GPC6: variants seen among roughly 807,000 people sequenced by gnomAD.
GPC6 encodes glypican-6.
In GPC6, 14 loss-of-function variants were observed where a neutral mutation model predicts 55.2. The observed-to-expected ratio is 0.25, with a 90% CI of 0.17 to 0.40. The LOEUF (loss-of-function observed/expected upper bound fraction) is 0.40, where lower values mean the gene tolerates loss of function less well. GPC6 is among the 10% of genes least tolerant of loss of function. The pLI is 1.00. For missense variants in GPC6, 641 were observed against 708.5 expected, an observed-to-expected ratio of 0.90 and a Z score of 1.08; for synonymous variants, 278 against 259.6, an observed-to-expected ratio of 1.07 and a Z score of -0.68.
chr13:94,106,296 C>G (rs1886050986), intron 4 of GPC6, among the ~76,000 whole-genome samples: 1 of 150,730 alleles, frequency 6.6e-6, no homozygotes, highest in African/African-American at 2.4e-5. Context: ...GTTAGATGCC[C>G]TAAGAATCTG....
chr13:93,517,201 C>T (rs1881237678), intron 1 of GPC6, among the ~76,000 whole-genome samples: 3 of 151,984 alleles, frequency 2.0e-5, no homozygotes, highest in African/African-American at 4.8e-5. Flanking sequence ...CTCAGAAACA[C>T]CTTTCATCAC....
rs182704910 is a variant in GPC6, at chr13:93,901,930, T to A, written c.711+71385T>A. The stretch of plus-strand genomic sequence containing the variant: ...AAAAAAAAAAAAAACTTTTAAAGTG[T>A]TTTCATTGACACATAATAATTATAC... On this transcript the variant is annotated intron_variant, in intron 3 of 8. Coordinates refer to ENST00000377047, the MANE Select transcript of GPC6 (RefSeq NM_005708.5). Among the ~76,000 whole-genome samples the A allele has an allele frequency of 6.0e-3, 907 of 151,696 alleles. 2 individuals carry two copies. The highest frequency in any genetic ancestry group is 0.011 in the Admixed American group (163 of 15,214).
intron 7 of GPC6, among the ~76,000 whole-genome samples, chr13:94,384,554 T>TA (rs35972475): frequency 0.13 from 19,930 of 152,136 alleles, 1,532 homozygotes; most frequent in East Asian, 0.28. Context: ...AATATTTTTT[T>TA]AAAAAAAGGC....
chr13:94,244,255 C>A (rs187638302), intron 4 of GPC6, among the ~76,000 whole-genome samples: 1 of 152,094 alleles, frequency 6.6e-6, no homozygotes, highest in Non-Finnish European at 1.5e-5. Context: ...GGGGCCAGCA[C>A]GTAACTCCGC....
At chr13:93,369,174 C>G (rs921242874) in intron 1 of GPC6, among the ~76,000 whole-genome samples, 5 of 151,720 alleles carry the variant, frequency 3.3e-5, no homozygotes, top group Non-Finnish European at 7.4e-5. Context: ...AGATTATGCT[C>G]TAACATTATC....
chr13:93,751,650 T>C (rs111754633), intron 2 of GPC6, among the ~76,000 whole-genome samples: 17 of 151,972 alleles, frequency 1.1e-4, no homozygotes, highest in African/African-American at 3.4e-4. Flanking sequence ...GCCTCCCAAG[T>C]AGCTGAGACT....
intron 1 of GPC6, among the ~76,000 whole-genome samples, chr13:93,263,401 G>A (rs2139043355): frequency 6.6e-6 from 1 of 152,040 alleles, no homozygotes; most frequent in Non-Finnish European, 1.5e-5. Flanking sequence ...TTTCGCTCTT[G>A]TCACCCAGGC....
intron 1 of GPC6, among the ~76,000 whole-genome samples, chr13:93,327,243 A>G (rs903565135): frequency 1.3e-5 from 2 of 152,114 alleles, no homozygotes; most frequent in Non-Finnish European, 2.9e-5. Flanking sequence ...TATTTGTTCT[A>G]AGCATTGTTC....
At chr13:94,033,578 T>C (rs949486086) in intron 4 of GPC6, among the ~76,000 whole-genome samples, 28 of 152,314 alleles carry the variant, frequency 1.8e-4, no homozygotes, top group Non-Finnish European at 3.8e-4. Context: ...GGAGATAAAA[T>C]AGGCAGAAGG....
At chr13:93,391,956 A>G (rs1416111979) in intron 1 of GPC6, among the ~76,000 whole-genome samples, 6 of 152,138 alleles carry the variant, frequency 3.9e-5, no homozygotes, top group Admixed American at 3.9e-4. Flanking sequence ...TTTTTGAGCT[A>G]TATATCAGCA....
chr13:93,753,684 C>T (rs9301905), intron 2 of GPC6, among the ~76,000 whole-genome samples: 101,455 of 152,030 alleles, frequency 0.67, 34,839 homozygotes, highest in African/African-American at 0.81. Flanking sequence ...TATTCATCTT[C>T]CTATGTTTTT....
At chr13:93,636,709 G>C (rs7317585) in intron 2 of GPC6, among the ~76,000 whole-genome samples, 49,372 of 152,026 alleles carry the variant, frequency 0.32, 8,245 homozygotes, top group African/African-American at 0.39. Flanking sequence ...GACAGTGGAG[G>C]AGGGCAGAAA....
chr13:93,639,496 A>G (rs898817727), intron 2 of GPC6, among the ~76,000 whole-genome samples: 1 of 152,220 alleles, frequency 6.6e-6, no homozygotes, highest in Non-Finnish European at 1.5e-5. Context: ...TTTGTATTTA[A>G]AATAGACTGT....
chr13:93,674,906 A>G (rs1012938033), intron 2 of GPC6, among the ~76,000 whole-genome samples: 21 of 152,136 alleles, frequency 1.4e-4, no homozygotes, highest in African/African-American at 4.3e-4. Context: ...GACTTTTTAT[A>G]CCTGGGTATG....
chr13:94,397,997 C>T (rs1023946980), intron 7 of GPC6, among the ~76,000 whole-genome samples: 2 of 152,126 alleles, frequency 1.3e-5, no homozygotes, highest in African/African-American at 4.8e-5. Flanking sequence ...CCCCCTTTTA[C>T]TTGGCACTTC....
intron 3 of GPC6, among the ~76,000 whole-genome samples, chr13:93,910,130 C>A (rs1005240565): frequency 1.5e-4 from 23 of 151,970 alleles, no homozygotes; most frequent in African/African-American, 5.6e-4. Flanking sequence ...CAAATATCAT[C>A]TTGAATTGTA....
chr13:93,540,278 A>G (rs543256972), intron 1 of GPC6, among the ~76,000 whole-genome samples: 3 of 152,272 alleles, frequency 2.0e-5, no homozygotes, highest in East Asian at 3.9e-4. Flanking sequence ...TTGTTACAAA[A>G]TATTTTTATC....
intron 1 of GPC6, among the ~76,000 whole-genome samples, chr13:93,271,846 A>G (rs1307358095): frequency 6.6e-6 from 1 of 152,212 alleles, no homozygotes; most frequent in African/African-American, 2.4e-5. Flanking sequence ...TTTTCCTTTC[A>G]TAGACTGTTA....
chr13:93,879,532 T>A (rs201996264), intron 3 of GPC6, among the ~76,000 whole-genome samples: 5,190 of 151,682 alleles, frequency 0.034, 255 homozygotes, highest in East Asian at 0.17. Flanking sequence ...TGAAACTGGA[T>A]CCCTTCCTTA....
Sources: gnomAD v4.1 joint callset for allele counts (sites outside exome capture counted in the v4.1 genomes callset) on GRCh38, gnomAD v4.1.1 for gene constraint, MANE v1.5 for transcripts, NCBI Gene and HGNC (gene_info 2026-07-23, HGNC 2026-07-21) for gene names.